The following PHF14 variants were observed in gnomAD, a reference collection of about 807,000 sequenced individuals.
The protein encoded by PHF14 is PHD finger protein 14.
A neutral mutation model predicts 117.9 loss-of-function variants in PHF14; 55 were observed. The ratio of observed to expected loss-of-function variants is 0.47; its 90% CI spans 0.38 to 0.58. The LOEUF (loss-of-function observed/expected upper bound fraction) is 0.58, where lower values mean the gene tolerates loss of function less well. Among genes scored for constraint, PHF14 ranks in the 20% least tolerant of loss-of-function variants. The probability of loss-of-function intolerance (pLI) is 0.00; values close to 1 mark genes in which losing one functional copy is unlikely to be tolerated. For missense variants in PHF14, 978 were observed against 1,122.2 expected (o/e 0.87, Z 1.84); for synonymous variants, 409 against 368.6 (o/e 1.11, Z -1.26).
intron 16 of PHF14, among the ~76,000 whole-genome samples, chr7:11,064,068 C>T (rs775137201): frequency 1.3e-5 from 2 of 151,700 alleles, no homozygotes. Flanking sequence ...TTTATTGGTA[C>T]TATATTTTAA....
At chr7:10,997,945 G>C (rs553386067) in intron 4 of PHF14, among the ~76,000 whole-genome samples, 47 of 152,188 alleles carry the variant, frequency 3.1e-4, no homozygotes, top group Non-Finnish European at 6.8e-4. Flanking sequence ...CATTCTAAGA[G>C]TGTAAATACC....
chr7:11,097,185 G>T (rs1444367989), intron 16 of PHF14, among the ~76,000 whole-genome samples: 4 of 151,728 alleles, frequency 2.6e-5, no homozygotes, highest in African/African-American at 9.7e-5. Context: ...CACCATGTTG[G>T]TCCGGCTGGT....
intron 16 of PHF14, among the ~76,000 whole-genome samples, chr7:11,089,861 C>A (rs1055048704): frequency 1.3e-5 from 2 of 150,666 alleles, no homozygotes. Flanking sequence ...AACTCCACCT[C>A]CTGGCTTCAA....
At chr7:11,023,567 C>A (rs1783807021) in intron 6 of PHF14, among the ~76,000 whole-genome samples, 1 of 152,192 alleles carries the variant, frequency 6.6e-6, no homozygotes. Context: ...GTGCTCACGC[C>A]TGTTATCCCA....
chr7:11,102,457 T>C, intron 16 of PHF14: 2 of 1,606,922 alleles, frequency 1.2e-6, no homozygotes, highest in Non-Finnish European at 1.7e-6. Flanking sequence ...TAAATGTTAA[T>C]GTTCTTTTCT....
At chr7:11,054,105 T>G (rs961610389) in intron 14 of PHF14, among the ~76,000 whole-genome samples, 1 of 152,096 alleles carries the variant, frequency 6.6e-6, no homozygotes, top group African/African-American at 2.4e-5. Flanking sequence ...AAAAAAGCAT[T>G]TTTTAAGACA....
chr7:11,082,677 G>A (rs1199666775), intron 16 of PHF14, among the ~76,000 whole-genome samples: 2 of 152,130 alleles, frequency 1.3e-5, no homozygotes, highest in Non-Finnish European at 2.9e-5. Context: ...AACATACTCA[G>A]TTTATCCTGA....
At chr7:11,101,660 G>A (rs1001429000) in intron 16 of PHF14, among the ~76,000 whole-genome samples, 2 of 151,666 alleles carry the variant, frequency 1.3e-5, no homozygotes, top group Admixed American at 1.3e-4. Context: ...CCTCAGTAAC[G>A]CTTTATTTGT....
intron 17 of PHF14, among the ~76,000 whole-genome samples, chr7:11,152,135 C>T (rs1302165535): frequency 2.0e-5 from 3 of 151,264 alleles, no homozygotes; most frequent in Admixed American, 1.3e-4. Context: ...GACTTAGGAC[C>T]TTTTAAGATA....
chr7:10,978,691 A>C (rs1781950202), intron 2 of PHF14, among the ~76,000 whole-genome samples: 1 of 152,158 alleles, frequency 6.6e-6, no homozygotes, highest in Non-Finnish European at 1.5e-5. Context: ...TAGCAACAAC[A>C]ACCTTTTCCT....
Sources: gnomAD v4.1 joint callset for allele counts (sites outside exome capture counted in the v4.1 genomes callset) on GRCh38, gnomAD v4.1.1 for gene constraint, MANE v1.5 for transcripts, NCBI Gene and HGNC (gene_info 2026-07-23, HGNC 2026-07-21) for gene names.